ANK2: variants seen among roughly 807,000 people sequenced by gnomAD.
ANK2 encodes the protein ankyrin 2.
In ANK2, 83 loss-of-function variants were observed where a neutral mutation model predicts 360.5. That is an observed-to-expected ratio of 0.23 (90% CI 0.19 to 0.28). ANK2 has a LOEUF of 0.28. Among genes scored for constraint, ANK2 ranks in the 10% least tolerant of loss-of-function variants. The probability of loss-of-function intolerance (pLI) is 1.00; values close to 1 mark genes in which losing one functional copy is unlikely to be tolerated. For missense variants in ANK2, 4,201 were observed against 4,795.7 expected (o/e 0.88, Z 3.66); for synonymous variants, 1,740 against 1,759.5 (o/e 0.99, Z 0.28).
intron 1 of ANK2, among the ~76,000 whole-genome samples, chr4:113,134,726 T>C (rs549487489): frequency 6.6e-6 from 1 of 152,140 alleles, no homozygotes; most frequent in Non-Finnish European, 1.5e-5. Context: ...TTGATAATTC[T>C]TTTTTTAGGA....
intron 9 of ANK2, among the ~76,000 whole-genome samples, chr4:113,248,633 G>T (rs78386154): frequency 6.6e-6 from 1 of 151,976 alleles, no homozygotes; most frequent in Non-Finnish European, 1.5e-5. Context: ...AGAAATCTCC[G>T]TGTTGAGTCA....
At chr4:112,789,709 T>C in the ANK2 span, among the ~76,000 whole-genome samples, 15 of 152,276 alleles carry the variant, frequency 9.9e-5, no homozygotes, top group Admixed American at 2.6e-4. Context: ...TCTGTGCCAG[T>C]GATCTCTGTG....
intron 2 of ANK2, among the ~76,000 whole-genome samples, chr4:112,924,028 C>T (rs1340522774): frequency 6.6e-6 from 1 of 152,126 alleles, no homozygotes. Flanking sequence ...TGAAGATATA[C>T]TGACATTTTA....
rs1489947974 is a variant in ANK2, at chr4:113,021,541, C to CACACACACACACACATATATATATATAT, written c.21+117028_21+117029insCACACACACACACATATATATATATATA. The stretch of plus-strand genomic sequence containing the variant: ...ATACACACACACACCCACACACAAA[C>CACACACACACACACATATATATATATAT]ATATATATATATATATATATATATA... On this transcript the variant is annotated intron_variant, in intron 2 of 30. Transcript: ENST00000503271. Among the ~76,000 whole-genome samples the CACACACACACACACATATATATATATAT allele has an allele frequency of 9.4e-5, 9 of 95,632 alleles. 1 individual carries two copies. The highest frequency in any genetic ancestry group is 1.8e-4 in the Non-Finnish European group (8 of 44,130). 62.7% of individuals were successfully genotyped at this position (95,632 alleles called of 152,430 possible). A position where few individuals can be genotyped will look rare whatever the true frequency, so the allele number is the denominator to read the frequency against.
chr4:113,020,419 C>T lies in ANK2; in HGVS notation c.21+115905C>T, dbSNP rs532453846. ...CTGTGTTGTGCAGGCTGATCTCTAA[C>T]TCCTGGGCTCAAGCTATCTCCCCAC... On this transcript the variant is annotated intron_variant, in intron 2 of 30. Transcript: ENST00000503271. Among the ~76,000 whole-genome samples, 382 of 152,242 alleles carry T rather than the reference C, an allele frequency of 2.5e-3. 6 individuals carry two copies. Among genetic ancestry groups the T allele is most frequent in the African/African-American group, 8.9e-3 (370 of 41,536 alleles).
At chr4:112,728,058 G>A in the ANK2 span, among the ~76,000 whole-genome samples, 1 of 151,696 alleles carries the variant, frequency 6.6e-6, no homozygotes, top group Non-Finnish European at 1.5e-5. Flanking sequence ...ACTTTGGGAG[G>A]CCAAGGAAGG....
intron 2 of ANK2, among the ~76,000 whole-genome samples, chr4:113,002,353 A>G (rs1015508491): frequency 2.0e-5 from 3 of 152,256 alleles, no homozygotes; most frequent in African/African-American, 7.2e-5. Flanking sequence ...AAAATGTGGC[A>G]TGTATACACC....
At chr4:112,981,231 T>A (rs1454317308) in intron 2 of ANK2, among the ~76,000 whole-genome samples, 1 of 152,244 alleles carries the variant, frequency 6.6e-6, no homozygotes, top group Non-Finnish European at 1.5e-5. Flanking sequence ...GTTGGACAAG[T>A]AATTTGGGTA....
At chr4:112,879,641 G>A (rs1321216839) in intron 1 of ANK2, among the ~76,000 whole-genome samples, 1 of 152,210 alleles carries the variant, frequency 6.6e-6, no homozygotes, top group African/African-American at 2.4e-5. Context: ...TAATGCAGAG[G>A]GTTTTTCGTT....
At chr4:113,057,233 A>G (rs1351174593) in intron 1 of ANK2, among the ~76,000 whole-genome samples, 1 of 152,178 alleles carries the variant, frequency 6.6e-6, no homozygotes, top group East Asian at 1.9e-4. Flanking sequence ...GTAAAATATA[A>G]ATATGTTGTG....
intron 1 of ANK2, among the ~76,000 whole-genome samples, chr4:112,838,507 TC>T (rs1163912901): frequency 2.0e-5 from 3 of 152,190 alleles, no homozygotes; most frequent in Non-Finnish European, 4.4e-5. Flanking sequence ...GAGTGAATGT[TC>T]CTCTCCTTCT....
intron 1 of ANK2, among the ~76,000 whole-genome samples, chr4:113,078,587 T>C (rs1200002389): frequency 1.3e-5 from 2 of 152,152 alleles, no homozygotes; most frequent in Non-Finnish European, 2.9e-5. Flanking sequence ...ATTCTTCTCA[T>C]CAGTCCTGTG....
chr4:113,167,435 G>T (rs1206530534), intron 1 of ANK2, among the ~76,000 whole-genome samples: 5 of 151,844 alleles, frequency 3.3e-5, no homozygotes, highest in Non-Finnish European at 5.9e-5. Context: ...AAGTAGTTGG[G>T]ATTACAGGTG....
chr4:112,997,456 T>C (rs1036641221), intron 2 of ANK2, among the ~76,000 whole-genome samples: 1 of 152,126 alleles, frequency 6.6e-6, no homozygotes, highest in African/African-American at 2.4e-5. Flanking sequence ...GCTTAACAGA[T>C]ATCTAACAAT....
intron 4 of ANK2, among the ~76,000 whole-genome samples, chr4:113,224,878 T>A (rs946619505): frequency 2.7e-4 from 5 of 18,706 alleles, no homozygotes; most frequent in Admixed American, 1.4e-3. Context: ...TCTTTGAAGT[T>A]TTTTTTTTTT....
chr4:113,307,810 C>T (rs1481449691), intron 23 of ANK2, among the ~76,000 whole-genome samples: 2 of 152,160 alleles, frequency 1.3e-5, no homozygotes, highest in African/African-American at 2.4e-5. Flanking sequence ...GGTATCAAAA[C>T]ATCAATTGTA....
the ANK2 span, among the ~76,000 whole-genome samples, chr4:112,774,595 T>C: frequency 2.6e-5 from 4 of 152,252 alleles, no homozygotes; most frequent in South Asian, 8.3e-4. Flanking sequence ...GAAGCTCTCA[T>C]AGAGGTTTAA....
intron 2 of ANK2, among the ~76,000 whole-genome samples, chr4:112,992,334 G>A (rs2047103683): frequency 6.6e-6 from 1 of 152,014 alleles, no homozygotes; most frequent in African/African-American, 2.4e-5. Flanking sequence ...AGTAGAGATG[G>A]TGTTTCACCA....
chr4:112,793,298 T>G, the ANK2 span, among the ~76,000 whole-genome samples: 17 of 152,188 alleles, frequency 1.1e-4, no homozygotes, highest in Admixed American at 1.0e-3. Flanking sequence ...CCCATAAATT[T>G]GCACTAATAA....
Sources: gnomAD v4.1 joint callset for allele counts (sites outside exome capture counted in the v4.1 genomes callset) on GRCh38, gnomAD v4.1.1 for gene constraint, MANE v1.5 for transcripts, NCBI Gene and HGNC (gene_info 2026-07-23, HGNC 2026-07-21) for gene names.